Variants in KLHDC4 observed in about 807,000 individuals in gnomAD.
The protein encoded by KLHDC4 is kelch domain containing 4.
Under a neutral mutation model 62.4 loss-of-function variants are expected in KLHDC4, and 90 were observed. The ratio of observed to expected loss-of-function variants is 1.44; its 90% CI spans 1.22 to 1.72. The LOEUF is 1.72. Ranked by LOEUF, KLHDC4 falls within the 40% of genes most tolerant of loss-of-function variation. The probability of loss-of-function intolerance (pLI) is 0.00; values close to 1 mark genes in which losing one functional copy is unlikely to be tolerated. For missense variants in KLHDC4, 1,025 were observed against 699.7 expected (o/e 1.47, Z -5.25); for synonymous variants, 386 against 284.4 (o/e 1.36, Z -3.59).
intron 5 of KLHDC4, among the ~76,000 whole-genome samples, chr16:87,742,676 G>C (rs940532749): frequency 6.6e-6 from 1 of 152,138 alleles, no homozygotes; most frequent in Non-Finnish European, 1.5e-5. Context: ...TCCGGAGTGG[G>C]AGGGCAGGAA....
At chr16:87,739,319 T>C (rs1403083246) in intron 5 of KLHDC4, among the ~76,000 whole-genome samples, 1 of 111,156 alleles carries the variant, frequency 9.0e-6, no homozygotes, top group Non-Finnish European at 1.8e-5. Context: ...ACCTCATCCA[T>C]CCACACAACA....
In KLHDC4 at chr16:87,755,264, T is replaced by G; in HGVS notation, c.299A>C (p.Tyr100Ser). The G allele has an allele frequency of 1.9e-6, 3 of 1,606,586 alleles. No homozygotes were observed. The highest frequency in any genetic ancestry group is 2.6e-6 in the Non-Finnish European group (3 of 1,173,380). Residue 100 changes from tyrosine (Y) to serine (S), a missense_variant, in exon 4 of 12, where the codon TAC becomes TCC. Transcript: ENST00000270583. ...GGTCCAGGTGTCCTTTCTGGTATTG[T>G]AGACATAGAGCTCGTTATACAAAAA... Reference protein sequence around the residue: ...KTFLYNELYVYNTRKDTWTKV... With the variant: ...KTFLYNELYVSNTRKDTWTKV...
At position 87,709,336 on chromosome 16, in the gene KLHDC4, G is replaced by A. The variant is rs768889187; in HGVS notation, c.1376C>T (p.Thr459Ile). ...GMFEAGDRQV[T>I]LSDLHCLDLH... The stretch of plus-strand genomic sequence containing the variant: ...GTCCAGGCAGTGCAGGTCGCTGAGG[G>A]TGACCTGGCGGTCGCCGGCCTCAAA... The change falls in exon 10 of 12, where the codon ACC becomes ATC. Residue 459 changes from threonine (T) to isoleucine (I), a missense_variant. Transcript: ENST00000270583. 6.2e-6 allele frequency: 10 copies of A among 1,613,390 alleles called. No homozygotes were observed. In the South Asian group the frequency reaches 9.9e-5, roughly 16 times the overall value.
intron 6 of KLHDC4, among the ~76,000 whole-genome samples, chr16:87,730,165 G>C (rs1205146568): frequency 2.0e-5 from 3 of 152,150 alleles, no homozygotes; most frequent in Non-Finnish European, 4.4e-5. Context: ...TGTTGGCCAC[G>C]CTGGTTTCGA....
exon 1 of KLHDC4, chr16:87,700,839 C>CGGAGGGAGGACGTTGGACGGT (rs1298500129): frequency 1.2e-5 from 1 of 85,926 alleles, no homozygotes; most frequent in Non-Finnish European, 2.2e-5. Flanking sequence ...GGTTGGAGGG[C>CGGAGGGAGGACGTTGGACGGT]GGAGGGAGGA....
At chr16:87,721,319 C>T (rs2038272243) in intron 7 of KLHDC4, among the ~76,000 whole-genome samples, 2 of 149,666 alleles carry the variant, frequency 1.3e-5, no homozygotes, top group African/African-American at 4.9e-5. Context: ...ACTCCGGAGG[C>T]AGGAGAATGG....
chr16:87,731,936 T>A (rs541258247), intron 5 of KLHDC4, among the ~76,000 whole-genome samples: 6 of 152,262 alleles, frequency 3.9e-5, no homozygotes, highest in Admixed American at 2.0e-4. Flanking sequence ...GAAGGCAGGT[T>A]CTGCTGGACT....
chr16:87,718,584 C>A (rs7202320), intron 7 of KLHDC4, among the ~76,000 whole-genome samples: 20,350 of 151,542 alleles, frequency 0.13, 1,808 homozygotes, highest in African/African-American at 0.25. Context: ...ACAACCCCCA[C>A]CTCCCAGCCA....
intron 2 of KLHDC4, among the ~76,000 whole-genome samples, chr16:87,757,049 A>G (rs35567734): frequency 0.26 from 39,948 of 151,736 alleles, 5,646 homozygotes; most frequent in South Asian, 0.48. Context: ...TCCGGACCTC[A>G]AGTGATCTGC....
intron 4 of KLHDC4, among the ~76,000 whole-genome samples, chr16:87,752,981 G>A (rs563418426): frequency 7.6e-4 from 115 of 152,304 alleles, no homozygotes; most frequent in Non-Finnish European, 1.4e-3. Context: ...TGAGAGCCAG[G>A]AAACACGCCA....
intron 4 of KLHDC4, among the ~76,000 whole-genome samples, chr16:87,749,851 T>C (rs1475542060): frequency 6.6e-6 from 1 of 152,170 alleles, no homozygotes; most frequent in Non-Finnish European, 1.5e-5. Context: ...ACACTGGGAT[T>C]ACACACACGA....
At chr16:87,737,269 C>T (rs1047717861) in intron 5 of KLHDC4, among the ~76,000 whole-genome samples, 6 of 151,792 alleles carry the variant, frequency 4.0e-5, no homozygotes, top group African/African-American at 1.5e-4. Flanking sequence ...GGCCTCAGCA[C>T]TGAAATAAAC....
intron 5 of KLHDC4, among the ~76,000 whole-genome samples, chr16:87,746,428 C>T (rs1014187342): frequency 1.3e-5 from 2 of 152,068 alleles, no homozygotes; most frequent in African/African-American, 2.4e-5. Context: ...ATTAAGCGCA[C>T]ACCCTCCATT....
exon 1 of KLHDC4, chr16:87,701,709 T>C (rs1016320896): frequency 2.2e-6 from 1 of 456,764 alleles, no homozygotes; most frequent in Non-Finnish European, 4.4e-6. Flanking sequence ...CACACCCTTC[T>C]CGTGCGCCCA....
At chr16:87,704,336 G>A (rs1390041838), downstream of KLHDC4, among the ~76,000 whole-genome samples, 5 of 146,674 alleles carry the variant, frequency 3.4e-5, no homozygotes, top group African/African-American at 1.3e-4. Flanking sequence ...GAGGGCCCTG[G>A]GGAGGGTCTT....
chr16:87,765,923 G>C lies in KLHDC4; in HGVS notation c.-33C>G. 6.5e-7 allele frequency: 1 copy of C among 1,546,868 alleles called. No individual in the cohort carries two copies. The highest frequency in any genetic ancestry group is 8.7e-7 in the Non-Finnish European group (1 of 1,144,066). On this transcript the variant is annotated 5_prime_UTR_variant, in exon 1 of 12. Transcript: ENST00000270583. ...GGTCCCAAGCCGCGACGGGACACCA[G>C]GAAAGAAAACGGCCCGCGCTCTCCG... is the stretch of plus-strand genomic sequence containing the variant.
chr16:87,725,948 G>T (rs942801897), intron 7 of KLHDC4, among the ~76,000 whole-genome samples: 1 of 152,076 alleles, frequency 6.6e-6, no homozygotes, highest in Non-Finnish European at 1.5e-5. Context: ...GTGCAGGAAG[G>T]AGACCCTCAG....
chr16:87,756,605 G>A (rs898904780), intron 2 of KLHDC4, 128 bp from the exon 3 acceptor site: 18 of 663,910 alleles, frequency 2.7e-5, no homozygotes, highest in Non-Finnish European at 4.5e-5. Context: ...AGGAGAGCCT[G>A]GCATCGAGAA....
chr16:87,742,994 C>A (rs1042981160), intron 5 of KLHDC4: 2 of 152,444 alleles, frequency 1.3e-5, no homozygotes, highest in Admixed American at 6.5e-5. Context: ...AGCACCTGCA[C>A]AGGCATCACG....
Sources: gnomAD v4.1 joint callset for allele counts (sites outside exome capture counted in the v4.1 genomes callset) on GRCh38, gnomAD v4.1.1 for gene constraint, MANE v1.5 for transcripts, NCBI Gene and HGNC (gene_info 2026-07-23, HGNC 2026-07-21) for gene names.